Variants in HIPK3 observed in about 807,000 individuals in gnomAD.
The protein encoded by HIPK3 is homeodomain-interacting protein kinase 3.
HIPK3 carries 47 observed loss-of-function variants against 124.2 expected under a neutral mutation model. The ratio of observed to expected loss-of-function variants is 0.38; its 90% CI spans 0.30 to 0.48. The LOEUF (loss-of-function observed/expected upper bound fraction) is 0.48, where lower values mean the gene tolerates loss of function less well. HIPK3 is among the 20% of genes least tolerant of loss of function. HIPK3 has a pLI of 0.98. For missense variants in HIPK3, 1,286 were observed against 1,454.3 expected, an observed-to-expected ratio of 0.88 and a Z score of 1.88; for synonymous variants, 482 against 515.2, an observed-to-expected ratio of 0.94 and a Z score of 0.87.
intron 1 of HIPK3, chr11:33,258,453 CT>C: frequency 1.0e-6 from 1 of 985,370 alleles, no homozygotes; most frequent in Non-Finnish European, 1.2e-6. Context: ...AGGGTGTCAA[CT>C]CTGGGGACGT....
Position 33,287,266 on chromosome 11 carries a change from C to G in HIPK3, c.852C>G (p.Asp284Glu), listed in dbSNP as rs765638038. The G allele has an allele frequency of 2.9e-5, 47 of 1,613,974 alleles. 1 individual carries two copies. The highest frequency in any genetic ancestry group is 3.3e-5 in the Non-Finnish European group (39 of 1,180,032). ...VFEMLEQNLYDFLKQNKFSPL... is the reference protein window; with the variant it reads ...VFEMLEQNLYEFLKQNKFSPL... ...AGATGCTGGAACAAAACTTGTATGA[C>G]TTTCTGAAACAAAATAAATTTAGTC... The change falls in exon 2 of 17, where the codon GAC becomes GAG. Residue 284 changes from aspartate to glutamate, a missense_variant. This residue lies in a region of HIPK3 where 251 missense variants were observed against 349.1 expected (regional missense o/e 0.72). Transcript: ENST00000303296.
At chr11:33,298,144 A>G (rs557629561) in intron 2 of HIPK3, among the ~76,000 whole-genome samples, 93 of 152,202 alleles carry the variant, frequency 6.1e-4, no homozygotes, top group African/African-American at 2.0e-3. Flanking sequence ...GTTGTGGCCA[A>G]TGCTCACTTA....
At chr11:33,271,177 GATAA>G (rs1851115435) in intron 1 of HIPK3, among the ~76,000 whole-genome samples, 2 of 152,112 alleles carry the variant, frequency 1.3e-5, no homozygotes, top group African/African-American at 4.8e-5. Flanking sequence ...TTGTTAATAT[GATAA>G]ATAATGATAT....
At chr11:33,337,678 C>G (rs1315580855) in intron 4 of HIPK3, among the ~76,000 whole-genome samples, 1 of 150,266 alleles carries the variant, frequency 6.7e-6, no homozygotes, top group Non-Finnish European at 1.5e-5. Context: ...CTCTCTTTCT[C>G]TTTTTCTTTT....
chr11:33,270,128 C>T (rs1316411876), intron 1 of HIPK3, among the ~76,000 whole-genome samples: 1 of 152,096 alleles, frequency 6.6e-6, no homozygotes, highest in African/African-American at 2.4e-5. Flanking sequence ...CAGGCACATG[C>T]CATGACGCCT....
intron 2 of HIPK3, among the ~76,000 whole-genome samples, chr11:33,299,653 A>G (rs967951862): frequency 6.6e-6 from 1 of 152,232 alleles, no homozygotes; most frequent in Non-Finnish European, 1.5e-5. Flanking sequence ...TGGGTAAAAC[A>G]TCATTAAATA....
At chr11:33,258,120 C>T (rs560769645) in intron 1 of HIPK3, among the ~76,000 whole-genome samples, 1 of 152,088 alleles carries the variant, frequency 6.6e-6, no homozygotes, top group East Asian at 1.9e-4. Flanking sequence ...TCCCTCGAAG[C>T]CGGCGCCACG....
intron 1 of HIPK3, among the ~76,000 whole-genome samples, chr11:33,266,271 T>C (rs998501723): frequency 8.6e-5 from 13 of 151,118 alleles, no homozygotes; most frequent in African/African-American, 3.2e-4. Context: ...TTAAGAAAAA[T>C]GATTAACAAT....
At chr11:33,314,155 A>G (rs1181084975) in intron 2 of HIPK3, among the ~76,000 whole-genome samples, 1 of 152,192 alleles carries the variant, frequency 6.6e-6, no homozygotes, top group Non-Finnish European at 1.5e-5. Context: ...AAAGTAAAAA[A>G]TGATTTATCT....
chr11:33,263,813 A>G (rs915400433), intron 1 of HIPK3, among the ~76,000 whole-genome samples: 5 of 152,124 alleles, frequency 3.3e-5, no homozygotes, highest in East Asian at 3.9e-4. Context: ...TGTTTCTTCA[A>G]TCTGAGAGAC....
intron 1 of HIPK3, among the ~76,000 whole-genome samples, chr11:33,283,679 T>C (rs1444662595): frequency 6.6e-6 from 1 of 151,956 alleles, no homozygotes; most frequent in African/African-American, 2.4e-5. Context: ...TTTTCTTTTT[T>C]TTTTTTTCTT....
At chr11:33,280,259 A>G (rs145892439) in intron 1 of HIPK3, among the ~76,000 whole-genome samples, 1,569 of 152,332 alleles carry the variant, frequency 0.01, 8 homozygotes, top group Non-Finnish European at 0.015. Context: ...AGGACAACAC[A>G]GTATACATTG....
chr11:33,323,387 G>A (rs971334152), intron 2 of HIPK3, among the ~76,000 whole-genome samples: 3 of 152,164 alleles, frequency 2.0e-5, no homozygotes, highest in Non-Finnish European at 4.4e-5. Flanking sequence ...GGGATTACAG[G>A]TGCACACCAC....
chr11:33,307,400 G>GT (rs397849185), intron 2 of HIPK3, among the ~76,000 whole-genome samples: 45,259 of 128,752 alleles, frequency 0.35, 8,634 homozygotes, highest in African/African-American at 0.49. Context: ...TTTATGAAGT[G>GT]TTTTTTTTTT....
chr11:33,261,730 T>C (rs1309417366), intron 1 of HIPK3, among the ~76,000 whole-genome samples: 1 of 152,254 alleles, frequency 6.6e-6, no homozygotes, highest in Non-Finnish European at 1.5e-5. Flanking sequence ...TTTGGATATA[T>C]ACCCAGTAAT....
rs1267171747 is a variant in HIPK3 at position 33,356,547 on chromosome 11, C to T, written c.*2979C>T. On this transcript the variant is annotated 3_prime_UTR_variant, in exon 17 of 17. Coordinates refer to ENST00000303296, the MANE Select transcript of HIPK3 (RefSeq NM_005734.5). ...CCAGCGTGTTTAATTAAATATGTTA[C>T]TGTATTAGCAAAACATTTTCATTTT... 6.6e-6 allele frequency: 1 copy of T among 151,480 alleles called. No homozygotes were observed. Among genetic ancestry groups the T allele is most frequent in the Non-Finnish European group, 1.5e-5 (1 of 67,812 alleles). 9.4% of individuals were successfully genotyped at this position (151,480 alleles called of 1,614,324 possible).
At chr11:33,258,340 G>A in intron 1 of HIPK3, 1 of 985,562 alleles carries the variant, frequency 1.0e-6, no homozygotes, top group Non-Finnish European at 1.2e-6. Flanking sequence ...TTTCATTAAG[G>A]GGAACAAACA....
intron 2 of HIPK3, among the ~76,000 whole-genome samples, chr11:33,311,173 G>T (rs767024378): frequency 6.6e-6 from 1 of 152,026 alleles, no homozygotes. Flanking sequence ...ATGACTTTGC[G>T]CATTGTTTTT....
chr11:33,299,724 A>G (rs1451137940), intron 2 of HIPK3, among the ~76,000 whole-genome samples: 1 of 151,918 alleles, frequency 6.6e-6, no homozygotes, highest in African/African-American at 2.4e-5. Context: ...AAACTTTACT[A>G]TAGTCTTTGA....
Sources: allele counts gnomAD v4.1 joint callset (sites outside exome capture counted in the v4.1 genomes callset), GRCh38; gene constraint gnomAD v4.1.1; regional missense constraint gnomAD v4.1.1; transcripts MANE v1.5; gene names NCBI Gene and HGNC (gene_info 2026-07-23, HGNC 2026-07-21).